Variants in PHF10 observed in about 807,000 individuals in gnomAD.
PHF10 encodes BRG1-associated factor 45a.
In PHF10, 51 loss-of-function variants were observed where a neutral mutation model predicts 68.5. The ratio of observed to expected loss-of-function variants is 0.74; its 90% CI spans 0.59 to 0.94. PHF10 has a LOEUF of 0.94. Ranked by LOEUF, PHF10 falls within the 40% of genes least tolerant of loss-of-function variation. The pLI is 0.00. For synonymous variants in PHF10, 204 were observed against 203.5 expected (o/e 1.00, Z -0.02); for missense variants, 460 against 602.6 (o/e 0.76, Z 2.48).
chr6:169,708,843 A>C (rs2128329257), intron 9 of PHF10: 1 of 152,308 alleles, frequency 6.6e-6, no homozygotes, highest in East Asian at 1.9e-4. Flanking sequence ...ACTTCCATTT[A>C]AAGCTCTTAG....
At chr6:169,706,595 G>A (rs183772112) in intron 9 of PHF10, among the ~76,000 whole-genome samples, 78 of 152,196 alleles carry the variant, frequency 5.1e-4, no homozygotes, top group African/African-American at 1.8e-3. Context: ...GAGGGCATCC[G>A]AACGTCACGG....
chr6:169,723,818 G>A (rs1408538010), intron 1 of PHF10, 27 bp downstream of exon 1: 33 of 851,890 alleles, frequency 3.9e-5, no homozygotes, highest in Non-Finnish European at 4.8e-5. Flanking sequence ...CGGGGTCAGG[G>A]TCGGGTCGCA....
At position 169,724,363 on chromosome 6, in the gene PHF10, TCGCCTCAGCCCCGCGGC is replaced by T. The variant is rs1406281650; in HGVS notation, c.-449_-433del. Among the ~76,000 whole-genome samples, 16 of 105,698 alleles carry T rather than the reference TCGCCTCAGCCCCGCGGC, an allele frequency of 1.5e-4. No individual in the cohort carries two copies. The highest frequency in any genetic ancestry group is 3.3e-4 in the South Asian group (1 of 3,052). The allele number at this position is 105,698 out of a possible 152,430, so 69.3% of individuals were successfully genotyped here. A position where few individuals can be genotyped will look rare whatever the true frequency, so the allele number is the denominator to read the frequency against. ...CGCTCGCCTCAGCCCCGCCGCTCGCTCGCCTCAGCCCCGCGGCCGCCTCAGCCCCGCCGCTCGCCTCA... is the reference window on the plus strand; with the variant it reads ...CGCTCGCCTCAGCCCCGCCGCTCGCTCGCCTCAGCCCCGCCGCTCGCCTCA... On this transcript the variant is annotated 5_prime_UTR_variant, in exon 1 of 12. Transcript: ENST00000339209.
At chr6:169,718,038 C>A in intron 3 of PHF10, 132 bp from the exon 4 acceptor site, 6 of 457,874 alleles carry the variant, frequency 1.3e-5, no homozygotes, top group South Asian at 5.5e-5. Context: ...AAAGGGGCTA[C>A]AAAAAAATTT....
At position 169,705,349 on chromosome 6, in the gene PHF10, C is replaced by T. The variant is rs375561143; in HGVS notation, c.1223-28G>A. 5.5e-4 allele frequency: 827 copies of T among 1,500,220 alleles called. 8 individuals are homozygous for T. The highest frequency in any genetic ancestry group is 4.9e-3 in the South Asian group (396 of 81,110). 92.9% of individuals were successfully genotyped at this position (1,500,220 alleles called of 1,614,324 possible). On this transcript the variant is annotated intron_variant, in intron 10 of 11. Coordinates refer to ENST00000339209, the MANE Select transcript of PHF10 (RefSeq NM_018288.4). ...AAATCAAAACCAGTATTAGTGGTATCTCACATAAGAAATTTTAACTTAATA... is the reference window on the plus strand; with the variant it reads ...AAATCAAAACCAGTATTAGTGGTATTTCACATAAGAAATTTTAACTTAATA...
intron 3 of PHF10, 118 bp downstream of exon 3, chr6:169,718,670 A>T (rs1789107686): frequency 4.9e-6 from 3 of 608,206 alleles, no homozygotes; most frequent in Non-Finnish European, 5.4e-6. Flanking sequence ...CCTTAGTCTT[A>T]AAAAAAAACA....
chr6:169,710,151 C>T, intron 9 of PHF10, 85 bp downstream of exon 9: 1 of 1,003,284 alleles, frequency 1.0e-6, no homozygotes, highest in Non-Finnish European at 1.5e-6. Flanking sequence ...CAGGCAGAAG[C>T]TCCACAATCG....
chr6:169,718,123 A>G (rs545928476), intron 3 of PHF10, among the ~76,000 whole-genome samples: 12 of 152,356 alleles, frequency 7.9e-5, no homozygotes, highest in African/African-American at 2.9e-4. Flanking sequence ...CCAAAGCAAG[A>G]AGGTCATATA....
Position 169,714,852 on chromosome 6 carries a change from CAT to C in PHF10, c.694-12_694-11del, listed in dbSNP as rs1203575378. On this transcript the variant is annotated splice_polypyrimidine_tract_variant and intron_variant, in intron 6 of 11. Transcript: ENST00000339209. ...GAGGTACCTGGATAACCTACGTTAA[CAT>C]AAAGAGAAACACAAAACTGATTCCA... 5.2e-6 allele frequency: 7 copies of C among 1,340,778 alleles called. No homozygotes were observed. The African/African-American group carries it at 1.0e-4, about 19-fold the overall frequency. 83.1% of individuals were successfully genotyped at this position (1,340,778 alleles called of 1,614,324 possible).
rs1188710434 is a variant in PHF10 at position 169,723,973 on chromosome 6, G to C, written c.-42C>G. 3.2e-6 allele frequency: 2 copies of C among 621,316 alleles called. No individual in the cohort carries two copies. The highest frequency in any genetic ancestry group is 4.0e-6 in the Non-Finnish European group (2 of 503,076). 38.5% of individuals were successfully genotyped at this position (621,316 alleles called of 1,614,324 possible). A position where few individuals can be genotyped will look rare whatever the true frequency, so the allele number is the denominator to read the frequency against. On this transcript the variant is annotated 5_prime_UTR_variant, in exon 1 of 12. Coordinates refer to ENST00000339209, the MANE Select transcript of PHF10 (RefSeq NM_018288.4). ...CGCCGCCGCCGCCGCCGTCGCCTCC[G>C]CCTTGTCCCGGCCGCCGCCGCCGCT...
intron 9 of PHF10, among the ~76,000 whole-genome samples, chr6:169,706,767 C>T (rs1398804960): frequency 2.2e-5 from 3 of 137,932 alleles, no homozygotes; most frequent in Non-Finnish European, 4.6e-5. Context: ...CACACACACA[C>T]ACACACACAC....
At position 169,714,717 on chromosome 6, in the gene PHF10, T is replaced by G. The variant is rs766406098; in HGVS notation, c.803+16A>C. On this transcript the variant is annotated intron_variant, in intron 7 of 11. Coordinates refer to ENST00000339209, the MANE Select transcript of PHF10 (RefSeq NM_018288.4). ...ACCAATAGCCGATACCAACTGTAAC[T>G]AAAACTACTAAATACCTCTTATAAT... is the stretch of plus-strand genomic sequence containing the variant. 7.8e-7 allele frequency: 1 copy of G among 1,275,958 alleles called. No homozygotes were observed. Among genetic ancestry groups the G allele is most frequent in the Non-Finnish European group, 1.1e-6 (1 of 871,744 alleles). 79.0% of individuals were successfully genotyped at this position (1,275,958 alleles called of 1,614,324 possible).
At chr6:169,705,748 A>C (rs1414042889) in intron 9 of PHF10, 24 bp from the exon 10 acceptor site, 1 of 1,106,824 alleles carries the variant, frequency 9.0e-7, no homozygotes, top group Non-Finnish European at 1.4e-6. Flanking sequence ...AGAGGGCTAT[A>C]AATTCATGCC....
intron 9 of PHF10, chr6:169,707,151 A>C (rs1338009858): frequency 6.6e-6 from 1 of 152,198 alleles, no homozygotes; most frequent in Non-Finnish European, 1.5e-5. Context: ...TGGAAGTTAA[A>C]CATACATATA....
Position 169,703,948 on chromosome 6 carries a change from A to G in PHF10, c.*55T>C, listed in dbSNP as rs1788648820. 2.2e-6 allele frequency: 3 copies of G among 1,334,892 alleles called. No individual in the cohort carries two copies. The highest frequency in any genetic ancestry group is 2.6e-5 in the East Asian group (1 of 38,270). The allele number at this position is 1,334,892 out of a possible 1,614,324, so 82.7% of individuals were successfully genotyped here. A position where few individuals can be genotyped will look rare whatever the true frequency, so the allele number is the denominator to read the frequency against. Reference sequence around the variant, plus strand: ...TATTGGCATGAAAATAATGTTGTAAATGGCACCAAATATTCCACTTAAATG... The same window carrying G: ...TATTGGCATGAAAATAATGTTGTAAGTGGCACCAAATATTCCACTTAAATG... On this transcript the variant is annotated 3_prime_UTR_variant, in exon 12 of 12. Coordinates refer to ENST00000339209, the MANE Select transcript of PHF10 (RefSeq NM_018288.4).
At chr6:169,721,352 C>T (rs1199058143) in intron 1 of PHF10, among the ~76,000 whole-genome samples, 1 of 152,164 alleles carries the variant, frequency 6.6e-6, no homozygotes, top group Non-Finnish European at 1.5e-5. Flanking sequence ...GCTTTGGTTT[C>T]TGCTCTTCAT....
At chr6:169,718,188 G>A (rs1394319827) in intron 3 of PHF10, among the ~76,000 whole-genome samples, 1 of 152,032 alleles carries the variant, frequency 6.6e-6, no homozygotes, top group East Asian at 1.9e-4. Flanking sequence ...TTCAGATACG[G>A]CTCATATAGC....
chr6:169,723,505 T>C (rs1789232445), intron 1 of PHF10, among the ~76,000 whole-genome samples: 1 of 152,242 alleles, frequency 6.6e-6, no homozygotes, highest in Admixed American at 6.5e-5. Context: ...CGCGCGCTTC[T>C]GCAGGCCCCT....
In PHF10 at chr6:169,718,786, A is replaced by C. The variant is rs1190636078; in HGVS notation, c.325+2T>G. 6.6e-7 allele frequency: 1 copy of C among 1,514,476 alleles called. No individual in the cohort carries two copies. Among genetic ancestry groups the C allele is most frequent in the Admixed American group, 1.7e-5 (1 of 58,630 alleles). The allele number at this position is 1,514,476 out of a possible 1,614,324, so 93.8% of individuals were successfully genotyped here. A position where few individuals can be genotyped will look rare whatever the true frequency, so the allele number is the denominator to read the frequency against. On this transcript the variant is annotated splice_donor_variant, in intron 3 of 11. Transcript: ENST00000339209. LOFTEE classifies it high-confidence loss of function. ...AAATTAATCTATTATATAAACTAGT[A>C]CCTGGATATTTCCTTTTAAAGGAGG...
Sources: gnomAD v4.1 joint callset for allele counts (sites outside exome capture counted in the v4.1 genomes callset) on GRCh38, gnomAD v4.1.1 for gene constraint, MANE v1.5 for transcripts, NCBI Gene and HGNC (gene_info 2026-07-23, HGNC 2026-07-21) for gene names.